The following PRKG1 variants were observed in gnomAD, a reference collection of about 807,000 sequenced individuals.
PRKG1 encodes the protein protein kinase cGMP-dependent 1.
A neutral mutation model predicts 88.1 loss-of-function variants in PRKG1; 35 were observed. That is an observed-to-expected ratio of 0.40 (90% CI 0.30 to 0.53). PRKG1 has a LOEUF of 0.53. PRKG1 is among the 20% of genes least tolerant of loss of function. The probability of loss-of-function intolerance (pLI) is 0.59; values close to 1 mark genes in which losing one functional copy is unlikely to be tolerated. For synonymous variants in PRKG1, 303 were observed against 292.5 expected, an observed-to-expected ratio of 1.04 and a Z score of -0.37; for missense variants, 540 against 839.8, an observed-to-expected ratio of 0.64 and a Z score of 4.41.
chr10:51,650,809 C>A (rs1397739244), intron 3 of PRKG1, among the ~76,000 whole-genome samples: 1 of 152,184 alleles, frequency 6.6e-6, no homozygotes, highest in Non-Finnish European at 1.5e-5. Context: ...ATGTTACCCC[C>A]ACCCTACCTC....
intron 9 of PRKG1, among the ~76,000 whole-genome samples, chr10:52,171,996 G>A (rs1321080289): frequency 1.3e-5 from 2 of 150,430 alleles, no homozygotes; most frequent in East Asian, 3.9e-4. Context: ...TAGAGGCGGG[G>A]TTTCACCTTG....
chr10:51,593,226 GA>G (rs1324819208), intron 3 of PRKG1, among the ~76,000 whole-genome samples: 2 of 152,068 alleles, frequency 1.3e-5, no homozygotes, highest in South Asian at 4.1e-4. Context: ...GAAGCTTATT[GA>G]AAATACATTT....
At chr10:51,276,122 A>T (rs1057061253) in intron 2 of PRKG1, among the ~76,000 whole-genome samples, 3 of 151,578 alleles carry the variant, frequency 2.0e-5, no homozygotes, top group Non-Finnish European at 4.4e-5. Context: ...CTCTCCCCCA[A>T]CCCCACGACA....
Position 50,991,721 on chromosome 10 carries a change from G to T in PRKG1, c.266+77G>T. The T allele has an allele frequency of 9.1e-7, 1 of 1,100,472 alleles. No individual in the cohort carries two copies. The highest frequency in any genetic ancestry group is 1.1e-6 in the Non-Finnish European group (1 of 897,478). The allele number at this position is 1,100,472 out of a possible 1,614,324, so 68.2% of individuals were successfully genotyped here. A position where few individuals can be genotyped will look rare whatever the true frequency, so the allele number is the denominator to read the frequency against. ...GGCTGGGGGCTCTGGCCGCGGCGGC[G>T]GGGGCGGGTCGGCCCAGGGCGCCCC... On this transcript the variant is annotated intron_variant, in intron 1 of 17. Transcript: ENST00000401604. This position sits in a 1 kb window ranked among gnomAD's most constrained non-coding sequence, Gnocchi z 4.5.
chr10:52,003,662 CGTCTGGGG>C (rs1040480509), intron 5 of PRKG1, among the ~76,000 whole-genome samples: 16 of 152,162 alleles, frequency 1.1e-4, no homozygotes, highest in South Asian at 2.1e-4. Context: ...CAGGAATATC[CGTCTGGGG>C]AAGCTACAGA....
chr10:51,625,922 C>A (rs576001133), intron 3 of PRKG1, among the ~76,000 whole-genome samples: 79 of 152,252 alleles, frequency 5.2e-4, no homozygotes, highest in Non-Finnish European at 9.7e-4. Flanking sequence ...TCTTATGGAA[C>A]TTGTCATTCA....
At chr10:52,215,949 C>T (rs560903167) in intron 9 of PRKG1, among the ~76,000 whole-genome samples, 1 of 152,200 alleles carries the variant, frequency 6.6e-6, no homozygotes, top group Non-Finnish European at 1.5e-5. Flanking sequence ...CTCCAGTGGC[C>T]ATCTGGAGAA....
chr10:51,936,626 A>G (rs1303032328), intron 5 of PRKG1, among the ~76,000 whole-genome samples: 2 of 152,008 alleles, frequency 1.3e-5, no homozygotes, highest in African/African-American at 4.8e-5. Flanking sequence ...TCCATTTATC[A>G]TGCTGGGGGT....
chr10:51,691,995 T>C (rs888539554), intron 3 of PRKG1, among the ~76,000 whole-genome samples: 1 of 152,178 alleles, frequency 6.6e-6, no homozygotes, highest in Non-Finnish European at 1.5e-5. Context: ...CCTCTGATGA[T>C]TGATAAGCAT....
intron 3 of PRKG1, among the ~76,000 whole-genome samples, chr10:51,803,884 G>A: frequency 6.6e-6 from 1 of 152,054 alleles, no homozygotes; most frequent in East Asian, 1.9e-4. Context: ...TATAACATTT[G>A]TCTTTTAAAC....
At position 51,278,081 on chromosome 10, in the gene PRKG1, G is replaced by T. The variant is rs1186825613; in HGVS notation, c.478+124751G>T. Among the ~76,000 whole-genome samples, 3 of 152,138 alleles carry T rather than the reference G, an allele frequency of 2.0e-5. No homozygotes were observed. In the East Asian group the frequency reaches 5.8e-4, roughly 29 times the overall value. ...TTTTTGCCCATTCATTATGATATTG[G>T]CTGTGGGTTTGTCATAAATAGCTCT... is the stretch of plus-strand genomic sequence containing the variant. On this transcript the variant is annotated intron_variant, in intron 2 of 17. Transcript: ENST00000373980.
At chr10:51,826,814 G>T (rs1839891878) in intron 4 of PRKG1, among the ~76,000 whole-genome samples, 1 of 150,402 alleles carries the variant, frequency 6.6e-6, no homozygotes, top group Admixed American at 6.6e-5. Context: ...TGAATTATTT[G>T]GGAAGTAGCT....
intron 3 of PRKG1, among the ~76,000 whole-genome samples, chr10:51,722,582 G>GT (rs1460909774): frequency 1.3e-5 from 2 of 151,964 alleles, no homozygotes; most frequent in African/African-American, 4.8e-5. Context: ...CCTATTTTAT[G>GT]TATTACACCA....
intron 3 of PRKG1, among the ~76,000 whole-genome samples, chr10:51,578,615 C>A (rs1837947355): frequency 6.6e-6 from 1 of 152,114 alleles, no homozygotes; most frequent in South Asian, 2.1e-4. Flanking sequence ...AAGGCTGATG[C>A]TTTCAAATAC....
At chr10:51,165,953 T>C (rs1051463483) in intron 2 of PRKG1, among the ~76,000 whole-genome samples, 1 of 152,134 alleles carries the variant, frequency 6.6e-6, no homozygotes, top group African/African-American at 2.4e-5. Context: ...TAACTTTCAC[T>C]TAAAGCCATT....
intron 2 of PRKG1, among the ~76,000 whole-genome samples, chr10:51,164,221 A>C (rs952583128): frequency 6.6e-6 from 1 of 152,228 alleles, no homozygotes; most frequent in Non-Finnish European, 1.5e-5. Flanking sequence ...ACGATCAGAC[A>C]GCAGCATTCA....
chr10:51,570,892 A>G (rs905507049), intron 3 of PRKG1, among the ~76,000 whole-genome samples: 1 of 151,972 alleles, frequency 6.6e-6, no homozygotes, highest in African/African-American at 2.4e-5. Flanking sequence ...TCCTAATGGA[A>G]CTGTAACCCA....
rs551672249 is a variant in PRKG1 at position 51,808,326 on chromosome 10, G to C, written c.698+3636G>C. Reference sequence around the variant, plus strand: ...TTCTTTATGACTTCGGCTGGGTGTAGTGGCTCAGGCCTGTAATCTCAGCAC... The same window carrying C: ...TTCTTTATGACTTCGGCTGGGTGTACTGGCTCAGGCCTGTAATCTCAGCAC... On this transcript the variant is annotated intron_variant, in intron 4 of 17. Coordinates refer to ENST00000373980, the MANE Select transcript of PRKG1 (RefSeq NM_006258.4). Among the ~76,000 whole-genome samples, 3 of 152,152 alleles carry C rather than the reference G, an allele frequency of 2.0e-5. No homozygotes were observed. In the South Asian group the frequency reaches 6.2e-4, roughly 32 times the overall value.
chr10:51,572,650 C>T (rs539948657), intron 3 of PRKG1, among the ~76,000 whole-genome samples: 1 of 151,886 alleles, frequency 6.6e-6, no homozygotes, highest in Non-Finnish European at 1.5e-5. Context: ...TTCCCCAGAC[C>T]TACTGAAACT....
Sources: allele counts gnomAD v4.1 joint callset (sites outside exome capture counted in the v4.1 genomes callset), GRCh38; gene constraint gnomAD v4.1.1; non-coding constraint Gnocchi (gnomAD v3.1); transcripts MANE v1.5; gene names NCBI Gene and HGNC (gene_info 2026-07-23, HGNC 2026-07-21).